CAMK1D: variants seen among roughly 807,000 people sequenced by gnomAD.
CAMK1D encodes calcium/calmodulin dependent protein kinase ID.
In CAMK1D, 9 loss-of-function variants were observed where a neutral mutation model predicts 47.7. The ratio of observed to expected loss-of-function variants is 0.19; its 90% CI spans 0.11 to 0.33. CAMK1D has a LOEUF of 0.33. Ranked by LOEUF, CAMK1D falls within the 10% of genes least tolerant of loss-of-function variation. The pLI is 1.00. For missense variants in CAMK1D, 291 were observed against 488.7 expected (o/e 0.60, Z 3.81); for synonymous variants, 184 against 184.9 (o/e 0.99, Z 0.04).
At chr10:12,398,961 T>C (rs1307593733) in intron 1 of CAMK1D, among the ~76,000 whole-genome samples, 1 of 152,192 alleles carries the variant, frequency 6.6e-6, no homozygotes, top group East Asian at 1.9e-4. Context: ...AGTCCCTCAG[T>C]GAGTTCTTTG....
chr10:12,583,773 G>C (rs1837733903), intron 2 of CAMK1D, among the ~76,000 whole-genome samples: 1 of 151,846 alleles, frequency 6.6e-6, no homozygotes, highest in African/African-American at 2.4e-5. Flanking sequence ...GGCTAATTTT[G>C]TATTTTTAGT....
chr10:12,472,831 C>T (rs1055354543), intron 1 of CAMK1D, among the ~76,000 whole-genome samples: 13 of 152,102 alleles, frequency 8.5e-5, no homozygotes, highest in East Asian at 1.9e-4. Flanking sequence ...CTCATTCACT[C>T]GGCTGTTATT....
chr10:12,474,485 A>T (rs1300488721), intron 1 of CAMK1D, among the ~76,000 whole-genome samples: 1 of 151,966 alleles, frequency 6.6e-6, no homozygotes, highest in African/African-American at 2.4e-5. Context: ...GAACCACCGC[A>T]CCTGGCCCGA....
At chr10:12,473,702 A>T (rs1439757496) in intron 1 of CAMK1D, among the ~76,000 whole-genome samples, 1 of 152,000 alleles carries the variant, frequency 6.6e-6, no homozygotes, top group Non-Finnish European at 1.5e-5. Flanking sequence ...GGCTCTCCCA[A>T]CCGCCCAGCT....
At chr10:12,825,897 G>GATTAC in intron 10 of CAMK1D, 1 of 724,452 alleles carries the variant, frequency 1.4e-6, no homozygotes, top group Non-Finnish European at 2.2e-6. Flanking sequence ...AACACTTTGG[G>GATTAC]AGGCTGAGGC....
intron 2 of CAMK1D, among the ~76,000 whole-genome samples, chr10:12,576,222 T>A (rs1588651970): frequency 6.6e-6 from 1 of 152,324 alleles, no homozygotes; most frequent in East Asian, 1.9e-4. Context: ...TGCAGTGGTA[T>A]CTCTGTTATA....
intron 1 of CAMK1D, among the ~76,000 whole-genome samples, 191 bp from the exon 2 acceptor site, chr10:12,553,034 C>T (rs1354878748): frequency 5.3e-5 from 8 of 152,062 alleles, no homozygotes; most frequent in Non-Finnish European, 1.2e-4. Context: ...TGAGCCACTG[C>T]GCCGGGCTGC....
intron 1 of CAMK1D, among the ~76,000 whole-genome samples, chr10:12,470,583 C>T (rs1455532413): frequency 6.6e-6 from 1 of 151,656 alleles, no homozygotes; most frequent in Non-Finnish European, 1.5e-5. Flanking sequence ...GTGGCGCGAT[C>T]TCTTCTCACT....
intron 4 of CAMK1D, among the ~76,000 whole-genome samples, chr10:12,762,113 A>G (rs543976580): frequency 6.6e-6 from 1 of 152,318 alleles, no homozygotes; most frequent in African/African-American, 2.4e-5. Flanking sequence ...TAGGTATCAG[A>G]CATATCAACT....
intron 1 of CAMK1D, among the ~76,000 whole-genome samples, chr10:12,524,370 T>G (rs1835548073): frequency 6.6e-6 from 1 of 152,242 alleles, no homozygotes; most frequent in South Asian, 2.1e-4. Context: ...TTGTTTAGTG[T>G]TTCCTCTTCA....
chr10:12,706,393 C>A (rs1352156526), intron 3 of CAMK1D, among the ~76,000 whole-genome samples: 1 of 152,170 alleles, frequency 6.6e-6, no homozygotes, highest in African/African-American at 2.4e-5. Context: ...TTCAGTACCA[C>A]AGCACAGCAG....
rs1277027692 is a variant in CAMK1D, at chr10:12,830,774, G to GA, written c.*1888dup. On this transcript the variant is annotated 3_prime_UTR_variant, in exon 11 of 11. Coordinates refer to ENST00000619168, the MANE Select transcript of CAMK1D (RefSeq NM_153498.4). ...TGTCCCGGCAGGTCTGCGTCATCAC[G>GA]ACCCAGTAACGCTGCTGGCTGTGTC... The GA allele has an allele frequency of 5.9e-5, 9 of 152,388 alleles. No homozygotes were observed. The East Asian group carries it at 1.7e-3, about 29-fold the overall frequency. 9.4% of individuals were successfully genotyped at this position (152,388 alleles called of 1,614,324 possible). A position where few individuals can be genotyped will look rare whatever the true frequency, so the allele number is the denominator to read the frequency against.
chr10:12,600,450 GA>G (rs1343242760), intron 2 of CAMK1D, among the ~76,000 whole-genome samples: 3 of 152,230 alleles, frequency 2.0e-5, no homozygotes, highest in Non-Finnish European at 2.9e-5. Flanking sequence ...ACAGAATATA[GA>G]GGGGTCAGTG....
chr10:12,743,595 C>A (rs1199465619), intron 3 of CAMK1D, among the ~76,000 whole-genome samples: 2 of 152,166 alleles, frequency 1.3e-5, no homozygotes, highest in Non-Finnish European at 2.9e-5. Flanking sequence ...AGAGTTGGAT[C>A]ACCATCACCA....
chr10:12,762,584 C>T (rs73574096), intron 4 of CAMK1D, among the ~76,000 whole-genome samples: 5,198 of 152,022 alleles, frequency 0.034, 283 homozygotes, highest in African/African-American at 0.12. Flanking sequence ...TGTAGGTCTC[C>T]GGTGGGGGCT....
intron 2 of CAMK1D, among the ~76,000 whole-genome samples, chr10:12,566,887 C>T (rs369603629): frequency 6.6e-6 from 1 of 152,192 alleles, no homozygotes; most frequent in Non-Finnish European, 1.5e-5. Flanking sequence ...GCTGTTCTTT[C>T]TGACTTCCCC....
chr10:12,483,406 G>A (rs1337541035), intron 1 of CAMK1D, among the ~76,000 whole-genome samples: 3 of 152,142 alleles, frequency 2.0e-5, no homozygotes, highest in African/African-American at 7.2e-5. Context: ...TTGCTGTGTT[G>A]CCCAGGCTGT....
At chr10:12,422,861 C>CG (rs1389459493) in intron 1 of CAMK1D, among the ~76,000 whole-genome samples, 1 of 151,828 alleles carries the variant, frequency 6.6e-6, no homozygotes, top group Non-Finnish European at 1.5e-5. Flanking sequence ...TTAGTAGAGA[C>CG]GGGGTTCCTC....
At chr10:12,695,614 A>G (rs539143935) in intron 3 of CAMK1D, among the ~76,000 whole-genome samples, 3 of 152,298 alleles carry the variant, frequency 2.0e-5, no homozygotes, top group Non-Finnish European at 2.9e-5. Flanking sequence ...TGTGGGATGC[A>G]GTGCCGTGAA....
Sources: allele counts gnomAD v4.1 joint callset (sites outside exome capture counted in the v4.1 genomes callset), GRCh38; gene constraint gnomAD v4.1.1; transcripts MANE v1.5; gene names NCBI Gene and HGNC (gene_info 2026-07-23, HGNC 2026-07-21).